The following L3MBTL4 variants were observed in gnomAD, a reference collection of about 807,000 sequenced individuals.
L3MBTL4 encodes L3MBTL histone methyl-lysine binding protein 4, also known as lethal(3)malignant brain tumor-like protein 4.
L3MBTL4 carries 70 observed loss-of-function variants against 84.5 expected under a neutral mutation model. The observed-to-expected ratio is 0.83, with a 90% CI of 0.68 to 1.01. L3MBTL4 has a LOEUF of 1.01. Ranked by LOEUF, L3MBTL4 falls within the 50% of genes least tolerant of loss-of-function variation. The pLI, the probability that L3MBTL4 is intolerant of heterozygous loss-of-function variation, is 0.00. For synonymous variants in L3MBTL4, 274 were observed against 259.8 expected (o/e 1.05, Z -0.52); for missense variants, 715 against 754.8 (o/e 0.95, Z 0.62).
At chr18:6,180,847 A>G (rs2044436547) in intron 12 of L3MBTL4, among the ~76,000 whole-genome samples, 1 of 152,216 alleles carries the variant, frequency 6.6e-6, no homozygotes, top group Non-Finnish European at 1.5e-5. Context: ...TCATGGCAAC[A>G]GCATTCACAA....
rs146150501 is a variant in L3MBTL4, at chr18:6,079,063, T to C, written c.1444+1818A>G. Among the ~76,000 whole-genome samples, 47 of 152,304 alleles carry C rather than the reference T, an allele frequency of 3.1e-4. No individual in the cohort carries two copies. In the East Asian group the frequency reaches 6.8e-3, roughly 22 times the overall value. On this transcript the variant is annotated intron_variant, in intron 16 of 18. Transcript: ENST00000317931. The stretch of plus-strand genomic sequence containing the variant: ...GTGAGCAATGGAGAGCAGCTGTGAA[T>C]GCAGATAAAGCTTTGCTCCCTCGCC...
intron 5 of L3MBTL4, among the ~76,000 whole-genome samples, chr18:6,252,122 G>A (rs2047948091): frequency 6.6e-6 from 1 of 152,120 alleles, no homozygotes; most frequent in Non-Finnish European, 1.5e-5. Context: ...GAAGAGCCTG[G>A]CCAACATGGC....
chr18:6,067,422 C>T (rs2057439082), intron 16 of L3MBTL4, among the ~76,000 whole-genome samples: 1 of 152,208 alleles, frequency 6.6e-6, no homozygotes, highest in African/African-American at 2.4e-5. Context: ...TCTTTTCCCT[C>T]AGGAACACCA....
chr18:6,235,177 G>A (rs1337637893), intron 10 of L3MBTL4, among the ~76,000 whole-genome samples: 1 of 152,084 alleles, frequency 6.6e-6, no homozygotes, highest in Non-Finnish European at 1.5e-5. Flanking sequence ...GTGGGGTTGG[G>A]AGCATGGGGG....
chr18:6,189,437 G>T (rs996107439), intron 12 of L3MBTL4, among the ~76,000 whole-genome samples: 1 of 152,136 alleles, frequency 6.6e-6, no homozygotes, highest in Admixed American at 6.5e-5. Context: ...GAAAAGGCAC[G>T]GCCCTTTCTG....
At chr18:6,280,597 G>T (rs2049280305) in intron 4 of L3MBTL4, among the ~76,000 whole-genome samples, 1 of 152,194 alleles carries the variant, frequency 6.6e-6, no homozygotes, top group Admixed American at 6.5e-5. Context: ...GCCTTCCAAA[G>T]ATGTCCACAT....
At chr18:6,208,815 G>A (rs2045978375) in intron 12 of L3MBTL4, among the ~76,000 whole-genome samples, 1 of 152,204 alleles carries the variant, frequency 6.6e-6, no homozygotes, top group Non-Finnish European at 1.5e-5. Flanking sequence ...ACGCTTATTA[G>A]AGAGCAACCA....
intron 16 of L3MBTL4, among the ~76,000 whole-genome samples, chr18:6,020,451 G>A (rs960492451): frequency 7.9e-5 from 12 of 152,194 alleles, no homozygotes; most frequent in Admixed American, 7.2e-4. Flanking sequence ...TTATTCTGAG[G>A]CAGCTGGAGA....
At chr18:6,043,358 C>A (rs1464933569) in intron 16 of L3MBTL4, among the ~76,000 whole-genome samples, 1 of 152,168 alleles carries the variant, frequency 6.6e-6, no homozygotes, top group Admixed American at 6.5e-5. Flanking sequence ...CACTCACTCT[C>A]TCCCCACAGG....
At chr18:6,403,434 G>A (rs1362653248) in intron 1 of L3MBTL4, among the ~76,000 whole-genome samples, 4 of 152,060 alleles carry the variant, frequency 2.6e-5, no homozygotes, top group East Asian at 1.9e-4. Flanking sequence ...TCACCTTCAC[G>A]GTGAATCTAT....
chr18:6,191,531 G>A (rs1015984442), intron 12 of L3MBTL4, among the ~76,000 whole-genome samples: 2 of 152,156 alleles, frequency 1.3e-5, no homozygotes, highest in African/African-American at 4.8e-5. Context: ...ATATCTATTC[G>A]ACATAAAACG....
chr18:6,038,902 G>A (rs968173564), intron 16 of L3MBTL4, among the ~76,000 whole-genome samples: 15 of 152,042 alleles, frequency 9.9e-5, no homozygotes, highest in Non-Finnish European at 4.4e-5. Context: ...GATTTGGGAA[G>A]GAAATTAGGG....
chr18:6,108,403 C>T (rs1291071164), intron 14 of L3MBTL4, among the ~76,000 whole-genome samples: 1 of 152,022 alleles, frequency 6.6e-6, no homozygotes, highest in Non-Finnish European at 1.5e-5. Flanking sequence ...AGAAATTTTC[C>T]AGTTGCATGT....
chr18:6,263,472 G>A (rs1437911904), intron 5 of L3MBTL4, among the ~76,000 whole-genome samples: 1 of 152,142 alleles, frequency 6.6e-6, no homozygotes, highest in African/African-American at 2.4e-5. Context: ...TTCTAGTCAT[G>A]TATGCCAGGA....
intron 1 of L3MBTL4, among the ~76,000 whole-genome samples, chr18:6,379,740 T>C (rs982313514): frequency 3.9e-5 from 6 of 152,264 alleles, no homozygotes; most frequent in African/African-American, 1.4e-4. Flanking sequence ...TGAGGATTTT[T>C]GCATCAATGT....
intron 16 of L3MBTL4, among the ~76,000 whole-genome samples, chr18:6,061,736 T>G (rs1435352310): frequency 6.6e-6 from 1 of 152,008 alleles, no homozygotes; most frequent in Admixed American, 6.6e-5. Context: ...TTGAGCACTT[T>G]ATACGATTCA....
intron 1 of L3MBTL4, among the ~76,000 whole-genome samples, chr18:6,359,684 C>T (rs1268825203): frequency 2.0e-5 from 3 of 151,824 alleles, no homozygotes; most frequent in Non-Finnish European, 4.4e-5. Flanking sequence ...TCAAAAATTC[C>T]CAGAGAGTTG....
At chr18:6,250,675 A>C (rs2146235087) in intron 5 of L3MBTL4, among the ~76,000 whole-genome samples, 1 of 152,314 alleles carries the variant, frequency 6.6e-6, no homozygotes, top group East Asian at 1.9e-4. Context: ...CTGGCCACCG[A>C]GGCACACATT....
intron 4 of L3MBTL4, among the ~76,000 whole-genome samples, chr18:6,295,646 T>C (rs2050078601): frequency 6.6e-6 from 1 of 152,096 alleles, no homozygotes; most frequent in African/African-American, 2.4e-5. Context: ...AAAGTAGTGT[T>C]TTCATTAAAA....
Sources: allele counts gnomAD v4.1 joint callset (sites outside exome capture counted in the v4.1 genomes callset), GRCh38; gene constraint gnomAD v4.1.1; transcripts MANE v1.5; gene names NCBI Gene and HGNC (gene_info 2026-07-23, HGNC 2026-07-21).